Variants in XKR9 observed in about 807,000 individuals in gnomAD.
XKR9 encodes XK related 9.
A neutral mutation model predicts 32.0 loss-of-function variants in XKR9; 32 were observed. The ratio of observed to expected loss-of-function variants is 1.00; its 90% confidence interval spans 0.76 to 1.34. The LOEUF (loss-of-function observed/expected upper bound fraction) is 1.34, where lower values mean the gene tolerates loss of function less well. Among genes scored for constraint, XKR9 ranks in the 40% most tolerant of loss-of-function variants. The probability of loss-of-function intolerance (pLI) is 0.00; values close to 1 mark genes in which losing one functional copy is unlikely to be tolerated. For missense variants in XKR9, 546 were observed against 429.7 expected, an observed-to-expected ratio of 1.27 and a Z score of -2.39; for synonymous variants, 168 against 143.4, an observed-to-expected ratio of 1.17 and a Z score of -1.22.
At chr8:70,713,678 G>C (rs374047226) in intron 4 of XKR9, among the ~76,000 whole-genome samples, 1 of 146,644 alleles carries the variant, frequency 6.8e-6, no homozygotes, top group Admixed American at 6.8e-5. Context: ...TTAAGAAGAA[G>C]AATGAAAATA....
chr8:70,687,372 T>C (rs1819332400), intron 3 of XKR9, among the ~76,000 whole-genome samples: 1 of 130,446 alleles, frequency 7.7e-6, no homozygotes, highest in Admixed American at 7.7e-5. Flanking sequence ...CTTTCCTTTC[T>C]TTCTCTTTCT....
chr8:70,916,784 G>C, the XKR9 span, among the ~76,000 whole-genome samples: 1 of 151,018 alleles, frequency 6.6e-6, no homozygotes, highest in South Asian at 2.1e-4. Flanking sequence ...CCATGAACAG[G>C]TTATATCATT....
chr8:71,006,122 G>A, the XKR9 span, among the ~76,000 whole-genome samples: 2 of 152,146 alleles, frequency 1.3e-5, no homozygotes, highest in African/African-American at 2.4e-5. Flanking sequence ...TAATATGAAG[G>A]CAGTACTGAG....
At chr8:70,938,943 A>G in the XKR9 span, among the ~76,000 whole-genome samples, 1 of 151,438 alleles carries the variant, frequency 6.6e-6, no homozygotes, top group Non-Finnish European at 1.5e-5. Context: ...AGGAAAAAAA[A>G]AGAGTTAGGT....
the XKR9 span, among the ~76,000 whole-genome samples, chr8:70,842,273 G>A: frequency 6.6e-6 from 1 of 152,072 alleles, no homozygotes; most frequent in African/African-American, 2.4e-5. Context: ...GCTTCTGTGT[G>A]CTTTTGAAAT....
chr8:70,811,526 A>G, the XKR9 span, among the ~76,000 whole-genome samples: 2 of 152,240 alleles, frequency 1.3e-5, no homozygotes, highest in Non-Finnish European at 2.9e-5. Context: ...AAGATCAACA[A>G]AATTGATAGA....
At chr8:70,705,542 A>G (rs912368400) in intron 3 of XKR9, among the ~76,000 whole-genome samples, 3 of 152,156 alleles carry the variant, frequency 2.0e-5, no homozygotes, top group Admixed American at 6.6e-5. Flanking sequence ...AGGAATTAGC[A>G]AAGACAAAGG....
At chr8:71,004,970 C>A in the XKR9 span, among the ~76,000 whole-genome samples, 1 of 144,902 alleles carries the variant, frequency 6.9e-6, no homozygotes, top group Non-Finnish European at 1.5e-5. Context: ...GCTAGGACTA[C>A]AGGATTGTGC....
At chr8:70,854,558 T>C in the XKR9 span, among the ~76,000 whole-genome samples, 50 of 152,340 alleles carry the variant, frequency 3.3e-4, 2 homozygotes, top group South Asian at 9.7e-3. Flanking sequence ...TGTCTTTTGT[T>C]GCAATTGCTT....
chr8:71,013,038 G>A, the XKR9 span, among the ~76,000 whole-genome samples: 1 of 152,192 alleles, frequency 6.6e-6, no homozygotes, highest in Non-Finnish European at 1.5e-5. Flanking sequence ...GAAGGATGGA[G>A]ATGGGGTGTG....
At chr8:70,934,907 G>A in the XKR9 span, among the ~76,000 whole-genome samples, 1 of 151,490 alleles carries the variant, frequency 6.6e-6, no homozygotes, top group East Asian at 1.9e-4. Flanking sequence ...CTTAGATATA[G>A]GTTTCTGATT....
the XKR9 span, among the ~76,000 whole-genome samples, chr8:71,006,263 C>G: frequency 3.3e-5 from 5 of 152,166 alleles, no homozygotes; most frequent in African/African-American, 4.8e-5. Flanking sequence ...TGGATGTGGC[C>G]CAAGACAGCT....
At chr8:71,023,516 C>T in the XKR9 span, among the ~76,000 whole-genome samples, 20 of 152,246 alleles carry the variant, frequency 1.3e-4, no homozygotes, top group Middle Eastern at 3.4e-3. Flanking sequence ...CTGAGTGTGC[C>T]TATCTTTGGC....
the XKR9 span, among the ~76,000 whole-genome samples, chr8:70,991,397 AG>A: frequency 8.5e-5 from 13 of 152,354 alleles, no homozygotes; most frequent in South Asian, 2.7e-3. Flanking sequence ...AACACAACAA[AG>A]GATGAAATAA....
the XKR9 span, among the ~76,000 whole-genome samples, chr8:70,961,547 T>C: frequency 6.6e-6 from 1 of 152,224 alleles, no homozygotes; most frequent in Non-Finnish European, 1.5e-5. Context: ...GAAATATATT[T>C]TCTTTATTGA....
At chr8:71,035,027 A>G in the XKR9 span, among the ~76,000 whole-genome samples, 1 of 152,212 alleles carries the variant, frequency 6.6e-6, no homozygotes, top group African/African-American at 2.4e-5. Flanking sequence ...TTGTTGGATA[A>G]ACAGTTTGTT....
intron 2 of XKR9, among the ~76,000 whole-genome samples, chr8:70,773,046 G>T (rs1807474811): frequency 1.3e-5 from 2 of 152,274 alleles, no homozygotes; most frequent in South Asian, 4.1e-4. Flanking sequence ...ATGTATATTT[G>T]TGATAAACAT....
chr8:71,017,270 AG>A, the XKR9 span, among the ~76,000 whole-genome samples: 30 of 152,330 alleles, frequency 2.0e-4, no homozygotes, highest in African/African-American at 7.2e-4. Flanking sequence ...AGATGTGCAC[AG>A]TTTGGGTAAA....
At chr8:70,726,829 C>T (rs1172993449) in intron 4 of XKR9, among the ~76,000 whole-genome samples, 2 of 152,156 alleles carry the variant, frequency 1.3e-5, no homozygotes, top group Non-Finnish European at 2.9e-5. Flanking sequence ...CAGAAAAAAG[C>T]CCAAGGAAGC....
Sources: allele counts gnomAD v4.1 joint callset (sites outside exome capture counted in the v4.1 genomes callset), GRCh38; gene constraint gnomAD v4.1.1; transcripts MANE v1.5; gene names NCBI Gene and HGNC (gene_info 2026-07-23, HGNC 2026-07-21).